DBF4B: variants seen among roughly 807,000 people sequenced by gnomAD.
The protein encoded by DBF4B is protein DBF4 homolog B.
A neutral mutation model predicts 53.4 loss-of-function variants in DBF4B; 49 were observed. The observed-to-expected ratio is 0.92, with a 90% CI of 0.73 to 1.16. The LOEUF is 1.16. Ranked by LOEUF, DBF4B falls within the 50% of genes most tolerant of loss-of-function variation. The pLI is 0.00. For missense variants in DBF4B, 692 were observed against 775.0 expected (o/e 0.89, Z 1.27); for synonymous variants, 257 against 288.7 (o/e 0.89, Z 1.11).
intron 10 of DBF4B, among the ~76,000 whole-genome samples, chr17:44,743,762 A>G (rs1976312397): frequency 6.6e-6 from 1 of 151,362 alleles, no homozygotes; most frequent in African/African-American, 2.4e-5. Context: ...AGTGCACACC[A>G]CCTCGCCCGG....
chr17:44,740,395 AT>A, intron 9 of DBF4B, among the ~76,000 whole-genome samples: 1 of 152,274 alleles, frequency 6.6e-6, no homozygotes, highest in African/African-American at 2.4e-5. Context: ...GTATACACAG[AT>A]CACTTCTGTC....
intron 3 of DBF4B, among the ~76,000 whole-genome samples, chr17:44,724,544 AT>A (rs1453316058): frequency 2.6e-5 from 4 of 151,916 alleles, no homozygotes; most frequent in Non-Finnish European, 4.4e-5. Flanking sequence ...CGCCCGGCTA[AT>A]TTTTTTTGTA....
At position 44,751,094 on chromosome 17, in the gene DBF4B, T is replaced by G; in HGVS notation, c.1689T>G (p.Thr563=). 1 of 1,614,162 alleles carries G rather than the reference T, an allele frequency of 6.2e-7. No individual in the cohort carries two copies. Among genetic ancestry groups the G allele is most frequent in the South Asian group, 1.1e-5 (1 of 91,082 alleles). Residue 563 remains threonine (T), a synonymous_variant, in exon 14 of 14, where the codon ACT becomes ACG. Coordinates refer to ENST00000315005, the MANE Select transcript of DBF4B (RefSeq NM_145663.3). ...WCRVRVPSLS[T]AGPIPRTSHP... ...GGGTTCGGGTGCCCTCATTGTCAAC[T>G]GCAGGACCCATTCCCCGAACCTCAC...
At chr17:44,748,767 A>C in intron 13 of DBF4B, 1 of 1,328,918 alleles carries the variant, frequency 7.5e-7, no homozygotes. Flanking sequence ...CACAGGCTTC[A>C]TTTTTTGTCC....
chr17:44,749,220 G>C lies in DBF4B; in HGVS notation c.1189+755G>C, dbSNP rs777689298. ...GTTCCCGATGCCTCTGGGCCCCCCA[G>C]CCTCTCCAGGTGCCCTGTCTCCCTG... On this transcript the variant is annotated intron_variant, in intron 13 of 13. Transcript: ENST00000315005. The surrounding 1 kb of genome is among the most constrained non-coding windows in gnomAD (Gnocchi z 4.4). 7 of 1,290,326 alleles carry C rather than the reference G, an allele frequency of 5.4e-6. No homozygotes were observed. The highest frequency in any genetic ancestry group is 7.1e-6 in the Non-Finnish European group (7 of 988,862). The allele number at this position is 1,290,326 out of a possible 1,614,324, so 79.9% of individuals were successfully genotyped here. A position where few individuals can be genotyped will look rare whatever the true frequency, so the allele number is the denominator to read the frequency against.
Position 44,729,998 on chromosome 17 carries a change from T to C in DBF4B, c.319T>C (p.Cys107Arg). 3.7e-6 allele frequency: 6 copies of C among 1,613,864 alleles called. No individual in the cohort carries two copies. Among genetic ancestry groups the C allele is most frequent in the East Asian group, 2.2e-5 (1 of 44,878 alleles). Residue 107 changes from cysteine to arginine, a missense_variant, in exon 4 of 14, where the codon TGC becomes CGC. Transcript: ENST00000315005. ...AESSGKSHRG[C>R]PSPSPSEVRV... ...GAGCAGTGGGAAAAGCCATAGAGGC[T>C]GCCCTAGCCCTAGCCCCAGTGAGGT...
Position 44,723,749 on chromosome 17 carries a change from A to G in DBF4B, c.225+727A>G, listed in dbSNP as rs1287981674. 2.6e-5 allele frequency among the ~76,000 whole-genome samples: 4 copies of G among 151,368 alleles called. No individual in the cohort carries two copies. The East Asian group carries it at 7.8e-4, about 29-fold the overall frequency. On this transcript the variant is annotated intron_variant, in intron 3 of 13. Coordinates refer to ENST00000315005, the MANE Select transcript of DBF4B (RefSeq NM_145663.3). Reference sequence around the variant, plus strand: ...ACTCCAGCCTGGGAGACAGAGTGAGACTCTGTATAAAAAAAAAAAAATGAT... The same window carrying G: ...ACTCCAGCCTGGGAGACAGAGTGAGGCTCTGTATAAAAAAAAAAAAATGAT...
intron 2 of DBF4B, chr17:44,720,161 T>C (rs145645077): frequency 0.012 from 4,046 of 351,126 alleles, 119 homozygotes; most frequent in Admixed American, 0.069. Context: ...ATCAGAATCG[T>C]CCTGGAGGTG....
rs185427459 is a variant in DBF4B, at chr17:44,723,054, T to C, written c.225+32T>C. On this transcript the variant is annotated intron_variant, in intron 3 of 13. Coordinates refer to ENST00000315005, the MANE Select transcript of DBF4B (RefSeq NM_145663.3). Reference sequence around the variant, plus strand: ...AACCTGCTCTTCTCCTGCGATGCCATGTGCCTTTGCAGGCTTAGAGCAGGA... The same window carrying C: ...AACCTGCTCTTCTCCTGCGATGCCACGTGCCTTTGCAGGCTTAGAGCAGGA... 5.1e-4 allele frequency: 820 copies of C among 1,612,366 alleles called. 6 individuals are homozygous for C. In the African/African-American group the frequency reaches 1.0e-2, roughly 20 times the overall value.
chr17:44,729,851 G>A, intron 3 of DBF4B, 54 bp from the exon 4 acceptor site: 3 of 1,585,890 alleles, frequency 1.9e-6, no homozygotes, highest in Non-Finnish European at 2.6e-6. Context: ...TCTTTATATT[G>A]ACAATTCTGC....
In DBF4B at chr17:44,749,598, A is replaced by T. The variant is rs996120954; in HGVS notation, c.1190-997A>T. Reference sequence around the variant, plus strand: ...TCTGGGCTGGGGGCTGCCCTCTCCTACCCCTGCCTCCTGCCATGTTCCTGA... The same window carrying T: ...TCTGGGCTGGGGGCTGCCCTCTCCTTCCCCTGCCTCCTGCCATGTTCCTGA... On this transcript the variant is annotated intron_variant, in intron 13 of 13. Coordinates refer to ENST00000315005, the MANE Select transcript of DBF4B (RefSeq NM_145663.3). This position sits in a 1 kb window ranked among gnomAD's most constrained non-coding sequence, Gnocchi z 4.4. The T allele has an allele frequency of 5.9e-6, 7 of 1,188,904 alleles. No homozygotes were observed. The highest frequency in any genetic ancestry group is 7.4e-6 in the Non-Finnish European group (7 of 941,152). The allele number at this position is 1,188,904 out of a possible 1,614,324, so 73.6% of individuals were successfully genotyped here.
chr17:44,726,640 A>C (rs1300342509), intron 3 of DBF4B, among the ~76,000 whole-genome samples: 3 of 152,048 alleles, frequency 2.0e-5, no homozygotes, highest in Non-Finnish European at 4.4e-5. Flanking sequence ...ATTGCCCTTC[A>C]TATGCATCAT....
intron 3 of DBF4B, among the ~76,000 whole-genome samples, chr17:44,724,907 A>T (rs186700640): frequency 1.4e-3 from 218 of 152,296 alleles, no homozygotes; most frequent in African/African-American, 4.9e-3. Context: ...ACCTAAGGTC[A>T]GGAGTTTGAG....
intron 1 of DBF4B, 81 bp downstream of exon 1, chr17:44,708,920 C>T: frequency 1.3e-6 from 2 of 1,524,434 alleles, no homozygotes; most frequent in Admixed American, 2.0e-5. Flanking sequence ...GTGGAGGGGG[C>T]TTAGGAAGTG....
At chr17:44,738,893 A>G (rs1208447423) in intron 9 of DBF4B, among the ~76,000 whole-genome samples, 3 of 152,190 alleles carry the variant, frequency 2.0e-5, no homozygotes, top group South Asian at 4.1e-4. Flanking sequence ...TACTTGATAA[A>G]GCCTTTCTGT....
chr17:44,708,907 G>A, intron 1 of DBF4B, 68 bp downstream of exon 1: 1 of 1,541,276 alleles, frequency 6.5e-7, no homozygotes, highest in Non-Finnish European at 8.8e-7. Flanking sequence ...GAGGTGCGGA[G>A]TCGTGGAGGG....
Position 44,709,329 on chromosome 17 carries a change from T to A in DBF4B, c.45T>A (p.Ser15Arg). Reference sequence around the variant, plus strand: ...GAGACGATTGCCTCGAGCTGGAGAGTTCCATGGCTGAGAGTAGGCTCCGGG... The same window carrying A: ...GAGACGATTGCCTCGAGCTGGAGAGATCCATGGCTGAGAGTAGGCTCCGGG... Reference protein sequence around the residue: ...GKGDDCLELESSMAESRLRAP... With the variant: ...GKGDDCLELERSMAESRLRAP... The change falls in exon 2 of 14, where the codon AGT (serine) becomes AGA (arginine). Residue 15 changes from serine to arginine, a missense_variant. Physicochemically the swap from Ser to Arg is moderately radical, Grantham distance 110. Around this residue, in one of 3 missense-constraint regions of DBF4B, gnomAD observed 66 missense variants for 51.3 expected, o/e 1.29. Transcript: ENST00000315005. 1 of 1,613,858 alleles carries A rather than the reference T, an allele frequency of 6.2e-7. No individual in the cohort carries two copies. Among genetic ancestry groups the A allele is most frequent in the East Asian group, 2.2e-5 (1 of 44,860 alleles).
chr17:44,748,758 A>G (rs1211251549), intron 13 of DBF4B: 1 of 1,337,666 alleles, frequency 7.5e-7, no homozygotes, highest in Admixed American at 2.2e-5. Context: ...CCTCCTGGCC[A>G]CAGGCTTCAT....
chr17:44,726,949 A>G (rs992647249), intron 3 of DBF4B, among the ~76,000 whole-genome samples: 5 of 151,912 alleles, frequency 3.3e-5, no homozygotes, highest in East Asian at 1.9e-4. Flanking sequence ...AAATACAACA[A>G]TTAGCTGCGT....
Sources: allele counts gnomAD v4.1 joint callset (sites outside exome capture counted in the v4.1 genomes callset), GRCh38; gene constraint gnomAD v4.1.1; regional missense constraint gnomAD v4.1.1; non-coding constraint Gnocchi (gnomAD v3.1); transcripts MANE v1.5; gene names NCBI Gene and HGNC (gene_info 2026-07-23, HGNC 2026-07-21).